The following ZPBP variants were observed in gnomAD, a reference collection of about 807,000 sequenced individuals.
ZPBP encodes the protein zona pellucida-binding protein 1.
ZPBP carries 26 observed loss-of-function variants against 44.8 expected under a neutral mutation model. The ratio of observed to expected loss-of-function variants is 0.58; its 90% CI spans 0.43 to 0.81. The LOEUF is 0.81. ZPBP is among the 30% of genes least tolerant of loss of function. ZPBP has a pLI of 0.00. For missense variants in ZPBP, 409 were observed against 434.0 expected, an observed-to-expected ratio of 0.94 and a Z score of 0.51; for synonymous variants, 174 against 153.2, an observed-to-expected ratio of 1.14 and a Z score of -1.00.
the ZPBP span, among the ~76,000 whole-genome samples, chr7:49,843,377 C>T: frequency 6.6e-6 from 1 of 152,138 alleles, no homozygotes; most frequent in Non-Finnish European, 1.5e-5. Context: ...AGACACAGCT[C>T]AGTGAGGCCC....
intron 7 of ZPBP, among the ~76,000 whole-genome samples, chr7:49,938,942 A>C (rs577880207): frequency 6.6e-6 from 1 of 152,196 alleles, no homozygotes; most frequent in African/African-American, 2.4e-5. Flanking sequence ...TTTAGAGGAA[A>C]TATTTGCCAT....
chr7:49,882,532 C>A (rs139652571), intron 2 of ZPBP, among the ~76,000 whole-genome samples: 3,741 of 151,738 alleles, frequency 0.025, 86 homozygotes, highest in Middle Eastern at 0.075. Context: ...GACAGAGGGA[C>A]ACACAGAGAG....
At chr7:50,028,288 A>G (rs1412504595) in intron 5 of ZPBP, among the ~76,000 whole-genome samples, 1 of 151,972 alleles carries the variant, frequency 6.6e-6, no homozygotes, top group East Asian at 1.9e-4. Flanking sequence ...GAAAATTAAA[A>G]AAAAAACACA....
At chr7:50,049,892 G>A (rs1349060115) in intron 4 of ZPBP, among the ~76,000 whole-genome samples, 3 of 151,614 alleles carry the variant, frequency 2.0e-5, no homozygotes, top group Non-Finnish European at 4.4e-5. Flanking sequence ...AATGTCTCAC[G>A]AAGAATCTAC....
chr7:49,914,217 GACT>G (rs1793604469), intron 1 of ZPBP: 1 of 152,248 alleles, frequency 6.6e-6, no homozygotes, highest in Admixed American at 6.5e-5. Context: ...TGCAGTTAGA[GACT>G]CAGTCCATGC....
rs373958476 is a variant in ZPBP, at chr7:49,995,322, C to A, written c.784-11803G>T. Among the ~76,000 whole-genome samples, 48 of 152,280 alleles carry A rather than the reference C, an allele frequency of 3.2e-4. 1 individual carries two copies. The South Asian group carries it at 9.7e-3, about 31-fold the overall frequency. On this transcript the variant is annotated intron_variant, in intron 6 of 7. Coordinates refer to ENST00000046087, the MANE Select transcript of ZPBP (RefSeq NM_007009.3). ...ACACTGAGGGTGTATTGCTGGTTTT[C>A]TCAGCTGAAAACAAACTGCTTCTGG...
chr7:49,877,481 A>AATATAT (rs1220691094), intron 2 of ZPBP, among the ~76,000 whole-genome samples: 6 of 12,724 alleles, frequency 4.7e-4, no homozygotes, highest in South Asian at 3.3e-3. Context: ...AAAAAAAAAA[A>AATATAT]ATATATATAT....
At chr7:49,877,479 AAAATATATAT>A (rs1289370466) in intron 2 of ZPBP, among the ~76,000 whole-genome samples, 6 of 12,738 alleles carry the variant, frequency 4.7e-4, no homozygotes, top group Admixed American at 3.8e-3. Flanking sequence ...AAAAAAAAAA[AAAATATATAT>A]ATATATATAT....
At chr7:49,847,201 G>A (rs971928814), downstream of ZPBP, among the ~76,000 whole-genome samples, 1 of 149,820 alleles carries the variant, frequency 6.7e-6, no homozygotes, top group Admixed American at 6.7e-5. Context: ...ACACAAAAAT[G>A]TGTGAACCTA....
At chr7:49,854,227 C>T (rs1303336137) in intron 2 of ZPBP, among the ~76,000 whole-genome samples, 1 of 152,144 alleles carries the variant, frequency 6.6e-6, no homozygotes, top group African/African-American at 2.4e-5. Flanking sequence ...TGGATATATA[C>T]CCAGTAATGG....
chr7:49,998,836 GT>G (rs971518398), intron 6 of ZPBP, among the ~76,000 whole-genome samples: 1 of 152,038 alleles, frequency 6.6e-6, no homozygotes, highest in African/African-American at 2.4e-5. Flanking sequence ...ACCAAAAACA[GT>G]ATTAGTTGGG....
rs536162922 is a variant in ZPBP, at chr7:49,993,876, G to A, written c.784-10357C>T. On this transcript the variant is annotated intron_variant, in intron 6 of 7. Coordinates refer to ENST00000046087, the MANE Select transcript of ZPBP (RefSeq NM_007009.3). ...TTGGGACATGACTGGTAGCTGAGGA[G>A]AAAGGCTGATAGTATCCACAAAAGG... Among the ~76,000 whole-genome samples the A allele has an allele frequency of 1.2e-3, 179 of 152,304 alleles. 2 individuals carry two copies. The highest frequency in any genetic ancestry group is 4.9e-4 in the Non-Finnish European group (33 of 68,018).
At chr7:49,871,871 A>G (rs985000689) in intron 2 of ZPBP, among the ~76,000 whole-genome samples, 8 of 147,090 alleles carry the variant, frequency 5.4e-5, no homozygotes, top group Non-Finnish European at 8.9e-5. Flanking sequence ...ACATATGTGC[A>G]TATATAATGT....
chr7:50,040,791 A>T (rs887444832), intron 4 of ZPBP, among the ~76,000 whole-genome samples: 18 of 152,044 alleles, frequency 1.2e-4, no homozygotes, highest in Non-Finnish European at 2.6e-4. Flanking sequence ...TGGTGCCTGG[A>T]ACACCAGCGA....
chr7:49,950,141 A>G (rs551958886), intron 7 of ZPBP, among the ~76,000 whole-genome samples: 1 of 152,068 alleles, frequency 6.6e-6, no homozygotes, highest in East Asian at 1.9e-4. Context: ...TGATATATTC[A>G]CATAATGGAA....
At chr7:49,872,022 T>C (rs1791181012) in intron 2 of ZPBP, among the ~76,000 whole-genome samples, 1 of 143,026 alleles carries the variant, frequency 7.0e-6, no homozygotes, top group African/African-American at 2.6e-5. Flanking sequence ...AATGATGAAG[T>C]AATATATAGA....
the ZPBP span, among the ~76,000 whole-genome samples, chr7:49,843,865 G>A: frequency 6.6e-6 from 1 of 152,090 alleles, no homozygotes; most frequent in African/African-American, 2.4e-5. Flanking sequence ...AGGATGAATG[G>A]AAAAAAGAAG....
chr7:50,023,690 T>C (rs914863611), intron 5 of ZPBP, among the ~76,000 whole-genome samples: 4 of 151,946 alleles, frequency 2.6e-5, no homozygotes, highest in Non-Finnish European at 4.4e-5. Flanking sequence ...CGGCAGAGAT[T>C]TGGGAATTAT....
chr7:50,085,383 C>G (rs1336891923), intron 2 of ZPBP, among the ~76,000 whole-genome samples: 1 of 152,082 alleles, frequency 6.6e-6, no homozygotes, highest in Non-Finnish European at 1.5e-5. Flanking sequence ...CCCTAAGGAA[C>G]TAATTAAAAT....
Sources: gnomAD v4.1 joint callset for allele counts (sites outside exome capture counted in the v4.1 genomes callset) on GRCh38, gnomAD v4.1.1 for gene constraint, MANE v1.5 for transcripts, NCBI Gene and HGNC (gene_info 2026-07-23, HGNC 2026-07-21) for gene names.